Variants in NOS2 observed in about 807,000 individuals in gnomAD.
NOS2 encodes nitric oxide synthase 2, also known as nitric oxide synthase, inducible.
In NOS2, 96 loss-of-function variants were observed where a neutral mutation model predicts 136.0. The observed-to-expected ratio is 0.71, with a 90% CI of 0.60 to 0.84. The LOEUF (loss-of-function observed/expected upper bound fraction) is 0.84. Among genes scored for constraint, NOS2 ranks in the 40% least tolerant of loss-of-function variants. NOS2 has a pLI of 0.00. For missense variants in NOS2, 1,237 were observed against 1,496.9 expected (o/e 0.83, Z 2.87); for synonymous variants, 539 against 587.5 (o/e 0.92, Z 1.20).
At chr17:27,793,642 C>A (rs893074475) in intron 2 of NOS2, 3 of 397,328 alleles carry the variant, frequency 7.6e-6, no homozygotes, top group Non-Finnish European at 1.3e-5. Context: ...GCAGAGCAGC[C>A]TGCACAGCCG....
chr17:27,761,208 C>G lies in NOS2; in HGVS notation c.2824G>C (p.Gly942Arg). Residue 942 changes from glycine to arginine, a missense_variant, in exon 23 of 27, where the codon GGC (glycine) becomes CGC (arginine). Coordinates refer to ENST00000313735, the MANE Select transcript of NOS2 (RefSeq NM_000625.4). ...CTGTTGAGCCATGTGCTGCAGACGC[C>G]GTGGTGCAGGGGACCCTGGCCATCT... Reference protein sequence around the residue: ...TRDGQGPLHHGVCSTWLNSLK... With the variant: ...TRDGQGPLHHRVCSTWLNSLK... The G allele has an allele frequency of 6.2e-7, 1 of 1,608,954 alleles. No individual in the cohort carries two copies. Among genetic ancestry groups the G allele is most frequent in the Non-Finnish European group, 8.5e-7 (1 of 1,178,682 alleles).
chr17:27,760,556 C>T (rs568497606), intron 24 of NOS2, 67 bp downstream of exon 24: 16 of 1,546,576 alleles, frequency 1.0e-5, no homozygotes, highest in Admixed American at 7.9e-5. Flanking sequence ...TGTGGGGCTG[C>T]AGTTCTGCTC....
At chr17:27,776,494 G>A (rs1021402877) in intron 11 of NOS2, among the ~76,000 whole-genome samples, 1 of 151,966 alleles carries the variant, frequency 6.6e-6, no homozygotes, top group South Asian at 2.1e-4. Context: ...CCAACATGGT[G>A]AAACCCTATC....
At position 27,793,757 on chromosome 17, in the gene NOS2, G is replaced by T. The variant is rs559956746; in HGVS notation, c.111-4069C>A. The T allele has an allele frequency of 1.3e-3, 498 of 388,288 alleles. 4 individuals carry two copies. Among genetic ancestry groups the T allele is most frequent in the African/African-American group, 9.2e-3 (445 of 48,228 alleles). 24.1% of individuals were successfully genotyped at this position (388,288 alleles called of 1,614,324 possible). A position where few individuals can be genotyped will look rare whatever the true frequency, so the allele number is the denominator to read the frequency against. ...CGCCTCCCAGCGCCCGCGCTTTATC[G>T]CTCGGAGCCTGCAGCCCCCGCCCCG... On this transcript the variant is annotated intron_variant, in intron 2 of 26. Transcript: ENST00000313735.
At chr17:27,781,002 C>T (rs769973565) in intron 8 of NOS2, 34 bp downstream of exon 8, 2 of 1,607,184 alleles carry the variant, frequency 1.2e-6, no homozygotes, top group African/African-American at 1.3e-5. Flanking sequence ...GGCTCCCCGC[C>T]CCAATGGCCG....
chr17:27,798,566 C>T lies in NOS2; in HGVS notation c.110+134G>A, dbSNP rs1231485774. On this transcript the variant is annotated intron_variant, in intron 2 of 26. Transcript: ENST00000313735. ...CGGCTGCATTGAATTCCAACAGGGA[C>T]TTTCAAGAAGCAATGAGGAGATCAG... 6 of 653,182 alleles carry T rather than the reference C, an allele frequency of 9.2e-6. No individual in the cohort carries two copies. The East Asian group carries it at 1.3e-4, about 15-fold the overall frequency. 40.5% of individuals were successfully genotyped at this position (653,182 alleles called of 1,614,324 possible).
chr17:27,793,913 G>A, intron 2 of NOS2: 1 of 364,616 alleles, frequency 2.7e-6, no homozygotes, highest in Non-Finnish European at 4.9e-6. Context: ...GCCGGCGTCT[G>A]CCGCGGAGTT....
chr17:27,787,162 C>T (rs1909045720), intron 5 of NOS2, among the ~76,000 whole-genome samples: 1 of 152,166 alleles, frequency 6.6e-6, no homozygotes, highest in Non-Finnish European at 1.5e-5. Flanking sequence ...GGTATGTCAC[C>T]AGCTTCCATG....
Position 27,760,137 on chromosome 17 carries a change from G to C in NOS2, c.3052C>G (p.Arg1018Gly). ...GRMTLVFGCRRPDEDHIYQEE... is the reference protein window; with the variant it reads ...GRMTLVFGCRGPDEDHIYQEE... ...TGGTAGATGTGGTCCTCATCTGGGC[G>C]GCGGCACCCAAACACCAAGGTCATG... Residue 1018 changes from arginine to glycine, a missense_variant, in exon 25 of 27, where the codon CGC becomes GGC. Physicochemically the swap from Arg to Gly is moderately radical, Grantham distance 125. Transcript: ENST00000313735. The C allele has an allele frequency of 6.2e-7, 1 of 1,602,952 alleles. No homozygotes were observed. Among genetic ancestry groups the C allele is most frequent in the Non-Finnish European group, 8.5e-7 (1 of 1,175,120 alleles).
intron 4 of NOS2, 122 bp downstream of exon 4, chr17:27,788,686 GA>G: frequency 8.2e-7 from 1 of 1,222,000 alleles, no homozygotes; most frequent in Non-Finnish European, 1.1e-6. Flanking sequence ...TCTGTTCCTA[GA>G]CCCCTTTGCC....
chr17:27,762,786 C>A lies in NOS2; in HGVS notation c.2800+12G>T, dbSNP rs1273702487. The A allele has an allele frequency of 6.5e-7, 1 of 1,536,086 alleles. No individual in the cohort carries two copies. Among genetic ancestry groups the A allele is most frequent in the South Asian group, 1.2e-5 (1 of 82,936 alleles). Reference sequence around the variant, plus strand: ...GAGCGGGGCTGTTCCAGAGCCTCTGCCCCTGGCTCACCTCGGGTGTGGTAG... The same window carrying A: ...GAGCGGGGCTGTTCCAGAGCCTCTGACCCTGGCTCACCTCGGGTGTGGTAG... On this transcript the variant is annotated intron_variant, in intron 22 of 26. Coordinates refer to ENST00000313735, the MANE Select transcript of NOS2 (RefSeq NM_000625.4).
chr17:27,762,020 G>A (rs1388036656), intron 22 of NOS2, among the ~76,000 whole-genome samples: 1 of 152,142 alleles, frequency 6.6e-6, no homozygotes, highest in African/African-American at 2.4e-5. Context: ...AGTGTGGGCA[G>A]CTCCCAGCTT....
intron 1 of NOS2, among the ~76,000 whole-genome samples, chr17:27,799,815 AG>A: frequency 6.6e-6 from 1 of 151,644 alleles, no homozygotes; most frequent in Non-Finnish European, 1.5e-5. Flanking sequence ...AAGAAAGGGA[AG>A]GGAAGGGAGG....
Position 27,767,729 on chromosome 17 carries a change from A to G in NOS2, c.2143T>C (p.Ser715Pro), listed in dbSNP as rs200216266. 1 of 1,613,728 alleles carries G rather than the reference A, an allele frequency of 6.2e-7. No homozygotes were observed. The highest frequency in any genetic ancestry group is 2.2e-5 in the East Asian group (1 of 44,884). The change falls in exon 18 of 27, where the codon TCA becomes CCA. Residue 715 changes from serine to proline, a missense_variant. Coordinates refer to ENST00000313735, the MANE Select transcript of NOS2 (RefSeq NM_000625.4). ...DPHHYRLVQD[S>P]QPLDLSKALS... ...CCTTTGCTGAGGTCCAAAGGCTGTG[A>G]GTCCTGCACGAGCCTGTAGTGGTGC...
chr17:27,780,128 G>A (rs1478287205), intron 9 of NOS2, among the ~76,000 whole-genome samples: 5 of 152,228 alleles, frequency 3.3e-5, no homozygotes, highest in Non-Finnish European at 1.5e-5. Flanking sequence ...CTTCTCAGAG[G>A]AGGTGACATT....
rs749273728 is a variant in NOS2 at position 27,763,962 on chromosome 17, C to G, written c.2592+19G>C. ...GGACCCCCCACATACCCCCACTGCC[C>G]ACCAGCCCTGATCTTCACCTGGCAC... is the stretch of plus-strand genomic sequence containing the variant. On this transcript the variant is annotated intron_variant, in intron 21 of 26. Transcript: ENST00000313735. 2.2e-5 allele frequency: 36 copies of G among 1,606,690 alleles called. No individual in the cohort carries two copies. The Admixed American group carries it at 6.1e-4, about 27-fold the overall frequency.
chr17:27,757,561 A>G (rs1213027919), intron 26 of NOS2, among the ~76,000 whole-genome samples: 1 of 152,178 alleles, frequency 6.6e-6, no homozygotes, highest in African/African-American at 2.4e-5. Context: ...AGCTTTACTT[A>G]GCATACCCAT....
At chr17:27,791,798 A>AT (rs1567643098) in intron 2 of NOS2, among the ~76,000 whole-genome samples, 16 of 150,676 alleles carry the variant, frequency 1.1e-4, no homozygotes, top group African/African-American at 3.9e-4. Context: ...AAAACAAAAC[A>AT]AAACAAAAAT....
intron 9 of NOS2, among the ~76,000 whole-genome samples, 177 bp from the exon 10 acceptor site, chr17:27,779,233 C>T (rs1908763117): frequency 6.6e-6 from 1 of 151,464 alleles, no homozygotes; most frequent in South Asian, 2.1e-4. Context: ...CTGCCTCAGC[C>T]TCCCAAGTAG....
Sources: gnomAD v4.1 joint callset for allele counts (sites outside exome capture counted in the v4.1 genomes callset) on GRCh38, gnomAD v4.1.1 for gene constraint, MANE v1.5 for transcripts, NCBI Gene and HGNC (gene_info 2026-07-23, HGNC 2026-07-21) for gene names.